The following GRID2 variants were observed in gnomAD, a reference collection of about 807,000 sequenced individuals.
GRID2 encodes the protein glutamate receptor ionotropic, delta-2.
GRID2 carries 33 observed loss-of-function variants against 114.8 expected under a neutral mutation model. That is an observed-to-expected ratio of 0.29 (90% confidence interval 0.22 to 0.38). GRID2 has a LOEUF of 0.38. Among genes scored for constraint, GRID2 ranks in the 10% least tolerant of loss-of-function variants. The pLI is 1.00. For synonymous variants in GRID2, 505 were observed against 449.9 expected, an observed-to-expected ratio of 1.12 and a Z score of -1.55; for missense variants, 1,184 against 1,257.7, an observed-to-expected ratio of 0.94 and a Z score of 0.89.
intron 10 of GRID2, among the ~76,000 whole-genome samples, chr4:93,437,001 T>C (rs1050280498): frequency 2.0e-5 from 3 of 152,184 alleles, no homozygotes; most frequent in African/African-American, 7.2e-5. Flanking sequence ...AATTATTTTA[T>C]ATGTTGTATT....
At chr4:93,422,699 T>C in intron 9 of GRID2, 72 bp from the exon 10 acceptor site, 2 of 932,520 alleles carry the variant, frequency 2.1e-6, no homozygotes, top group Non-Finnish European at 3.4e-6. Context: ...ATCAAAACTC[T>C]TTAAAGAATT....
chr4:92,937,872 A>G lies in GRID2; in HGVS notation c.245-147123A>G, dbSNP rs182932241. ...GCTGATTACTCTGACTAGAACTTTC[A>G]GTACCAATGTTAAAGCACAAGGGCA... On this transcript the variant is annotated intron_variant, in intron 2 of 15. Coordinates refer to ENST00000282020, the MANE Select transcript of GRID2 (RefSeq NM_001510.4). Among the ~76,000 whole-genome samples, 55 of 146,764 alleles carry G rather than the reference A, an allele frequency of 3.7e-4. 3 individuals carry two copies. The highest frequency in any genetic ancestry group is 8.2e-4 in the Admixed American group (11 of 13,494).
chr4:92,929,536 A>G (rs1399503700), intron 2 of GRID2, among the ~76,000 whole-genome samples: 4 of 151,418 alleles, frequency 2.6e-5, no homozygotes, highest in African/African-American at 9.7e-5. Context: ...TGATCAAAAT[A>G]ACAGACTGAC....
intron 2 of GRID2, among the ~76,000 whole-genome samples, chr4:92,636,063 A>G (rs561508678): frequency 6.6e-6 from 1 of 152,218 alleles, no homozygotes; most frequent in South Asian, 2.1e-4. Flanking sequence ...ATCAGGTATT[A>G]TACAAACAAC....
intron 2 of GRID2, among the ~76,000 whole-genome samples, chr4:93,049,431 T>C (rs1560827080): frequency 6.6e-6 from 1 of 152,020 alleles, no homozygotes; most frequent in Non-Finnish European, 1.5e-5. Context: ...TTTGTTCTTT[T>C]ACTAATTACA....
At chr4:92,670,804 G>T (rs1002608442) in intron 2 of GRID2, among the ~76,000 whole-genome samples, 1 of 151,990 alleles carries the variant, frequency 6.6e-6, no homozygotes, top group Non-Finnish European at 1.5e-5. Context: ...GAAAACCGGG[G>T]CTTAGAGAGG....
At chr4:93,367,397 T>C (rs1762447607) in intron 8 of GRID2, among the ~76,000 whole-genome samples, 1 of 152,066 alleles carries the variant, frequency 6.6e-6, no homozygotes, top group Admixed American at 6.6e-5. Flanking sequence ...TTGGACTCTT[T>C]AGAAATGTTT....
intron 10 of GRID2, among the ~76,000 whole-genome samples, chr4:93,445,143 C>T (rs1341259799): frequency 6.6e-6 from 1 of 151,940 alleles, no homozygotes; most frequent in African/African-American, 2.4e-5. Flanking sequence ...TCTTATCTTC[C>T]TCCTTTCTTC....
intron 4 of GRID2, among the ~76,000 whole-genome samples, chr4:93,189,742 T>A (rs113263752): frequency 2.4e-4 from 36 of 150,960 alleles, no homozygotes; most frequent in African/African-American, 8.8e-4. Context: ...TAGTTTTGTG[T>A]GGTACTAAAC....
At chr4:92,966,096 T>A (rs1753138442) in intron 2 of GRID2, among the ~76,000 whole-genome samples, 1 of 151,902 alleles carries the variant, frequency 6.6e-6, no homozygotes, top group Non-Finnish European at 1.5e-5. Flanking sequence ...TCTGAAGAAG[T>A]ATTCATGGAC....
intron 2 of GRID2, among the ~76,000 whole-genome samples, chr4:92,925,765 A>G (rs1325588694): frequency 6.6e-6 from 1 of 152,012 alleles, no homozygotes; most frequent in Non-Finnish European, 1.5e-5. Context: ...TAGTTTTAAA[A>G]GCTTCTGCTT....
At chr4:92,455,561 G>A (rs1276198520) in intron 1 of GRID2, among the ~76,000 whole-genome samples, 1 of 152,106 alleles carries the variant, frequency 6.6e-6, no homozygotes, top group Non-Finnish European at 1.5e-5. Context: ...GAGGGAAACC[G>A]CACAGGAAGA....
chr4:92,918,419 T>C (rs1435970758), intron 2 of GRID2, among the ~76,000 whole-genome samples: 1 of 152,174 alleles, frequency 6.6e-6, no homozygotes, highest in African/African-American at 2.4e-5. Context: ...AGGGCATCCC[T>C]GTCTTGTACC....
At chr4:93,784,861 G>C (rs1734561449) in intron 1 of GRID2, among the ~76,000 whole-genome samples, 1 of 152,116 alleles carries the variant, frequency 6.6e-6, no homozygotes, top group African/African-American at 2.4e-5. Flanking sequence ...CAGAAATACA[G>C]CTATAACTAC....
At chr4:92,460,845 A>G (rs934961999) in intron 1 of GRID2, among the ~76,000 whole-genome samples, 2 of 152,020 alleles carry the variant, frequency 1.3e-5, no homozygotes, top group African/African-American at 4.8e-5. Context: ...TAAAAACAGT[A>G]GAGAATAATG....
chr4:92,657,328 T>C (rs1479324), intron 2 of GRID2, among the ~76,000 whole-genome samples: 44,808 of 151,426 alleles, frequency 0.3, 6,662 homozygotes, highest in Admixed American at 0.33. Context: ...TGTCAGCCTC[T>C]ACACTTATAT....
At chr4:93,204,996 T>A (rs1742534776) in intron 4 of GRID2, among the ~76,000 whole-genome samples, 1 of 152,158 alleles carries the variant, frequency 6.6e-6, no homozygotes, top group Non-Finnish European at 1.5e-5. Context: ...TTAGTAGTGG[T>A]TTACCCCCTT....
intron 2 of GRID2, among the ~76,000 whole-genome samples, chr4:92,920,361 T>G (rs888734314): frequency 3.3e-5 from 5 of 152,218 alleles, no homozygotes; most frequent in Non-Finnish European, 7.3e-5. Context: ...AAAATTCATA[T>G]TGTTATGTGT....
At chr4:92,387,099 G>T (rs1206629674) in intron 1 of GRID2, among the ~76,000 whole-genome samples, 3 of 151,968 alleles carry the variant, frequency 2.0e-5, no homozygotes, top group African/African-American at 7.2e-5. Context: ...ACAGTTAATA[G>T]AATTATCTGT....
Sources: gnomAD v4.1 joint callset for allele counts (sites outside exome capture counted in the v4.1 genomes callset) on GRCh38, gnomAD v4.1.1 for gene constraint, MANE v1.5 for transcripts, NCBI Gene and HGNC (gene_info 2026-07-23, HGNC 2026-07-21) for gene names.